SNX24: variants seen among roughly 807,000 people sequenced by gnomAD.
SNX24 encodes sorting nexin-24.
Under a neutral mutation model 28.7 loss-of-function variants are expected in SNX24, and 22 were observed. The ratio of observed to expected loss-of-function variants is 0.77; its 90% CI spans 0.55 to 1.10. The LOEUF is 1.10. SNX24 is among the 50% of genes least tolerant of loss of function. The probability of loss-of-function intolerance (pLI) is 0.00; values close to 1 mark genes in which losing one functional copy is unlikely to be tolerated. For synonymous variants in SNX24, 69 were observed against 71.5 expected, an observed-to-expected ratio of 0.96 and a Z score of 0.18; for missense variants, 221 against 201.1, an observed-to-expected ratio of 1.10 and a Z score of -0.60.
chr5:123,017,910 G>T (rs1762707403), intron 5 of SNX24, among the ~76,000 whole-genome samples: 1 of 152,092 alleles, frequency 6.6e-6, no homozygotes, highest in South Asian at 2.1e-4. Flanking sequence ...TTTATCAGCA[G>T]CATGAAAAGG....
In SNX24 at chr5:122,947,145, C is replaced by T. The variant is rs191546239; in HGVS notation, c.249+986C>T. On this transcript the variant is annotated intron_variant, in intron 3 of 6. Transcript: ENST00000261369. Reference sequence around the variant, plus strand: ...ATTAATGATTGACCCATCTAAGACACGTTACATCAAACAAATCAGCAGCCA... The same window carrying T: ...ATTAATGATTGACCCATCTAAGACATGTTACATCAAACAAATCAGCAGCCA... 3.9e-5 allele frequency among the ~76,000 whole-genome samples: 6 copies of T among 152,270 alleles called. No individual in the cohort carries two copies. The South Asian group carries it at 1.0e-3, about 26-fold the overall frequency.
intron 3 of SNX24, among the ~76,000 whole-genome samples, chr5:122,975,679 C>G (rs1370680215): frequency 6.6e-6 from 1 of 151,962 alleles, no homozygotes; most frequent in Non-Finnish European, 1.5e-5. Context: ...GGAAGACAAT[C>G]TAATAAGAAA....
At chr5:122,925,596 A>C (rs935384879) in intron 1 of SNX24, among the ~76,000 whole-genome samples, 2 of 152,020 alleles carry the variant, frequency 1.3e-5, no homozygotes, top group African/African-American at 4.8e-5. Flanking sequence ...TTGGGCCCTC[A>C]TGAACAGTCT....
At chr5:122,867,487 T>C (rs1408811462) in intron 1 of SNX24, among the ~76,000 whole-genome samples, 2 of 152,182 alleles carry the variant, frequency 1.3e-5, no homozygotes. Context: ...TGGTGCCATA[T>C]TGGGGCCTCA....
intron 1 of SNX24, among the ~76,000 whole-genome samples, chr5:122,935,958 C>G (rs1338661862): frequency 2.6e-5 from 4 of 152,150 alleles, no homozygotes; most frequent in Non-Finnish European, 5.9e-5. Flanking sequence ...CTCTTTAGAT[C>G]CTGCTAACCA....
chr5:123,015,476 A>G (rs557615266), intron 5 of SNX24, among the ~76,000 whole-genome samples: 1 of 152,322 alleles, frequency 6.6e-6, no homozygotes, highest in South Asian at 2.1e-4. Flanking sequence ...TATTCTTTTT[A>G]CAAATACCTA....
chr5:122,856,517 T>A (rs1300929291), intron 1 of SNX24, among the ~76,000 whole-genome samples: 1 of 150,592 alleles, frequency 6.6e-6, no homozygotes, highest in African/African-American at 2.4e-5. Flanking sequence ...CAAATGGTAG[T>A]TCTGTGTCTT....
chr5:123,007,716 T>C lies in SNX24; in HGVS notation c.477T>C (p.His159=), dbSNP rs764015510. The change falls in exon 7 of 7, where the codon CAT becomes CAC. Residue 159 remains histidine, a synonymous_variant. Coordinates refer to ENST00000261369, the MANE Select transcript of SNX24 (RefSeq NM_014035.4). The part of the protein sequence containing the change: ...FPNVVIEGVL[H]GIFYPHLQPR ...ATGTGGTTATTGAAGGAGTCCTCCA[T>C]GGGATATTTTACCCTCATCTACAGC... The C allele has an allele frequency of 3.1e-6, 5 of 1,599,898 alleles. No homozygotes were observed. In the South Asian group the frequency reaches 3.5e-5, roughly 11 times the overall value.
intron 3 of SNX24, among the ~76,000 whole-genome samples, chr5:122,954,667 G>A (rs1407851615): frequency 6.6e-6 from 1 of 151,796 alleles, no homozygotes; most frequent in Non-Finnish European, 1.5e-5. Context: ...GACAGTTCTT[G>A]TCTTTCAGCA....
At chr5:122,926,242 G>A (rs547916443) in intron 1 of SNX24, among the ~76,000 whole-genome samples, 5 of 152,296 alleles carry the variant, frequency 3.3e-5, no homozygotes, top group African/African-American at 1.2e-4. Flanking sequence ...TGGCAGTGAG[G>A]GAACGTGCCT....
At chr5:122,973,339 T>G (rs551698782) in intron 3 of SNX24, among the ~76,000 whole-genome samples, 1 of 152,366 alleles carries the variant, frequency 6.6e-6, no homozygotes, top group African/African-American at 2.4e-5. Context: ...CTCAAAGTTC[T>G]GCCCACTGGG....
intron 1 of SNX24, among the ~76,000 whole-genome samples, chr5:122,869,897 G>GTTT (rs10623024): frequency 0.011 from 1,661 of 147,618 alleles, 24 homozygotes; most frequent in African/African-American, 0.031. Flanking sequence ...AGTGCTATGA[G>GTTT]TTTTTTTTTT....
At chr5:122,892,585 G>A (rs1440742449) in intron 1 of SNX24, among the ~76,000 whole-genome samples, 2 of 151,130 alleles carry the variant, frequency 1.3e-5, no homozygotes, top group East Asian at 1.9e-4. Flanking sequence ...GACTACAGGC[G>A]CCCACCACCA....
chr5:122,903,299 CAG>C (rs569071295), intron 1 of SNX24, among the ~76,000 whole-genome samples: 152 of 152,156 alleles, frequency 1.0e-3, no homozygotes, highest in Non-Finnish European at 1.4e-3. Flanking sequence ...TAAATAGAGA[CAG>C]GGTTTCTCCA....
At chr5:122,882,905 G>A (rs1242818201) in intron 1 of SNX24, among the ~76,000 whole-genome samples, 3 of 152,048 alleles carry the variant, frequency 2.0e-5, no homozygotes, top group Non-Finnish European at 4.4e-5. Context: ...GGGGGTGGGA[G>A]CATATATAGG....
intron 3 of SNX24, among the ~76,000 whole-genome samples, chr5:122,998,548 TGTGTAAAGAACC>T (rs1762131031): frequency 6.6e-6 from 1 of 152,194 alleles, no homozygotes; most frequent in African/African-American, 2.4e-5. Context: ...AATGGTGAGC[TGTGTAAAGAACC>T]GTAGCAGCCC....
chr5:122,890,766 C>T (rs753340703), intron 1 of SNX24, among the ~76,000 whole-genome samples: 4 of 152,244 alleles, frequency 2.6e-5, no homozygotes, highest in African/African-American at 4.8e-5. Flanking sequence ...CCACCGCACC[C>T]GGCCTAGAGG....
chr5:122,846,486 A>G (rs1038506562), intron 1 of SNX24, among the ~76,000 whole-genome samples: 5 of 152,178 alleles, frequency 3.3e-5, no homozygotes, highest in African/African-American at 1.2e-4. Flanking sequence ...TTGTTAAAGA[A>G]CCTGTAGGGT....
intron 1 of SNX24, among the ~76,000 whole-genome samples, chr5:122,852,358 T>G (rs1369739234): frequency 6.6e-6 from 1 of 151,868 alleles, no homozygotes; most frequent in African/African-American, 2.4e-5. Flanking sequence ...CTTTTTTTTT[T>G]TTTGACAGAG....
Sources: gnomAD v4.1 joint callset for allele counts (sites outside exome capture counted in the v4.1 genomes callset) on GRCh38, gnomAD v4.1.1 for gene constraint, MANE v1.5 for transcripts, NCBI Gene and HGNC (gene_info 2026-07-23, HGNC 2026-07-21) for gene names.